Variants in ICA1 observed in about 807,000 individuals in gnomAD.
The protein encoded by ICA1 is islet cell autoantigen 1, also known as 69 kDa islet cell autoantigen.
A neutral mutation model predicts 71.0 loss-of-function variants in ICA1; 40 were observed. The ratio of observed to expected loss-of-function variants is 0.56; its 90% confidence interval spans 0.44 to 0.73. ICA1 has a LOEUF of 0.73. Among genes scored for constraint, ICA1 ranks in the 30% least tolerant of loss-of-function variants. The pLI is 0.00. For missense variants in ICA1, 578 were observed against 576.5 expected, an observed-to-expected ratio of 1.00 and a Z score of -0.03; for synonymous variants, 207 against 209.5, an observed-to-expected ratio of 0.99 and a Z score of 0.10.
chr7:8,217,684 T>C (rs1795826597), intron 6 of ICA1, among the ~76,000 whole-genome samples: 1 of 152,240 alleles, frequency 6.6e-6, no homozygotes, highest in Non-Finnish European at 1.5e-5. Flanking sequence ...GATGTATTCT[T>C]GTATGACAAA....
At chr7:8,131,630 TAA>T (rs1791479143) in intron 12 of ICA1, among the ~76,000 whole-genome samples, 1 of 152,174 alleles carries the variant, frequency 6.6e-6, no homozygotes, top group African/African-American at 2.4e-5. Flanking sequence ...ACTTGAACCA[TAA>T]AACACAAAAA....
At chr7:8,165,513 G>C (rs759325580) in intron 6 of ICA1, among the ~76,000 whole-genome samples, 1 of 152,138 alleles carries the variant, frequency 6.6e-6, no homozygotes, top group African/African-American at 2.4e-5. Context: ...AATATTGGAA[G>C]TCCTAGCTTT....
intron 1 of ICA1, among the ~76,000 whole-genome samples, chr7:8,255,534 T>G (rs1356561067): frequency 6.6e-6 from 1 of 152,200 alleles, no homozygotes; most frequent in East Asian, 1.9e-4. Flanking sequence ...TTCCATGGCT[T>G]CAACTGCCAG....
At position 8,234,573 on chromosome 7, in the gene ICA1, C is replaced by A. The variant is rs1487709706; in HGVS notation, c.17+1337G>T. On this transcript the variant is annotated intron_variant, in intron 2 of 13. Transcript: ENST00000402384. The surrounding 1 kb of genome is among the most constrained non-coding windows in gnomAD (Gnocchi z 4.5). ...TTCATTTACAATTTCATTAAGTTTA[C>A]AATTTTCAATTTACACATTTATTCT... Among the ~76,000 whole-genome samples, 1 of 152,200 alleles carries A rather than the reference C, an allele frequency of 6.6e-6. No homozygotes were observed. Among genetic ancestry groups the A allele is most frequent in the Admixed American group, 6.5e-5 (1 of 15,282 alleles).
chr7:8,126,825 G>A (rs1789383537), intron 13 of ICA1, among the ~76,000 whole-genome samples: 1 of 152,210 alleles, frequency 6.6e-6, no homozygotes, highest in Admixed American at 6.5e-5. Flanking sequence ...TTTCCTTTCA[G>A]AAGCCTGTGT....
At chr7:8,135,522 C>T (rs544028039) in intron 12 of ICA1, among the ~76,000 whole-genome samples, 2 of 152,250 alleles carry the variant, frequency 1.3e-5, no homozygotes, top group African/African-American at 2.4e-5. Context: ...CTTGCCACTT[C>T]GTATGCGAGG....
At chr7:8,167,266 A>G (rs1806356878) in intron 6 of ICA1, among the ~76,000 whole-genome samples, 1 of 152,244 alleles carries the variant, frequency 6.6e-6, no homozygotes, top group Non-Finnish European at 1.5e-5. Context: ...AATGCGGTAC[A>G]TATGCACCAT....
rs10267871 is a variant in ICA1 at position 8,157,401 on chromosome 7, C to T, written c.706-187G>A. ...GCCAAACTAAATGCCTCCCTGTTTCCCCAAATGCTGCCTCCCAGAACTCAT... is the reference window on the plus strand; with the variant it reads ...GCCAAACTAAATGCCTCCCTGTTTCTCCAAATGCTGCCTCCCAGAACTCAT... On this transcript the variant is annotated intron_variant, in intron 7 of 13. Coordinates refer to ENST00000402384, the MANE Select transcript of ICA1 (RefSeq NM_001136020.3). The T allele has an allele frequency of 4.9e-3, 2,954 of 597,914 alleles. 57 individuals are homozygous for T. Among genetic ancestry groups the T allele is most frequent in the African/African-American group, 0.049 (2,572 of 52,954 alleles). The allele number at this position is 597,914 out of a possible 1,614,324, so 37.0% of individuals were successfully genotyped here.
chr7:8,122,850 G>A (rs1328877524), intron 13 of ICA1, among the ~76,000 whole-genome samples: 2 of 152,232 alleles, frequency 1.3e-5, no homozygotes, highest in Non-Finnish European at 2.9e-5. Context: ...CCTAACTTCG[G>A]TTTGCAGAGT....
chr7:8,195,682 G>A (rs1247149646), intron 6 of ICA1, among the ~76,000 whole-genome samples: 1 of 151,880 alleles, frequency 6.6e-6, no homozygotes, highest in Non-Finnish European at 1.5e-5. Context: ...GTGTCCACCT[G>A]GAGTTAAAAA....
chr7:8,131,024 AT>A (rs1197973554), intron 12 of ICA1, among the ~76,000 whole-genome samples: 6 of 152,260 alleles, frequency 3.9e-5, no homozygotes, highest in African/African-American at 1.4e-4. Flanking sequence ...AGAGTCCTCC[AT>A]CCCCCAGGCA....
At chr7:8,231,791 C>T (rs546222749) in intron 3 of ICA1, among the ~76,000 whole-genome samples, 44 of 152,334 alleles carry the variant, frequency 2.9e-4, no homozygotes, top group Middle Eastern at 3.4e-3. Flanking sequence ...TGACAACTAA[C>T]ATTTCCCCTT....
At chr7:8,235,765 T>C in intron 2 of ICA1, 145 bp downstream of exon 2, 1 of 722,268 alleles carries the variant, frequency 1.4e-6, no homozygotes. Flanking sequence ...TTAACAGAGA[T>C]ACTGAATTTG....
chr7:8,180,821 C>T (rs1252458740), intron 6 of ICA1, among the ~76,000 whole-genome samples: 6 of 150,736 alleles, frequency 4.0e-5, no homozygotes, highest in South Asian at 2.1e-4. Flanking sequence ...CACGAGGTGG[C>T]GGCCAGTCTC....
rs566720987 is a variant in ICA1, at chr7:8,211,199, T to G, written c.579+7106A>C. ...GCTGATTTACTTAGCATATGTGTTTTGCTGGATGTTAATTTTTTTTTTCCC... is the reference window on the plus strand; with the variant it reads ...GCTGATTTACTTAGCATATGTGTTTGGCTGGATGTTAATTTTTTTTTTCCC... On this transcript the variant is annotated intron_variant, in intron 6 of 13. Coordinates refer to ENST00000402384, the MANE Select transcript of ICA1 (RefSeq NM_001136020.3). Among the ~76,000 whole-genome samples, 64 of 152,364 alleles carry G rather than the reference T, an allele frequency of 4.2e-4. 1 individual carries two copies. The highest frequency in any genetic ancestry group is 3.4e-3 in the Middle Eastern group (1 of 294).
chr7:8,152,643 TCCACCA>T (rs777722192), intron 8 of ICA1, among the ~76,000 whole-genome samples: 3 of 94,358 alleles, frequency 3.2e-5, no homozygotes, highest in African/African-American at 1.1e-4. Context: ...CACCATCTCC[TCCACCA>T]CCACCACCAC....
chr7:8,227,386 G>A (rs916414740), intron 4 of ICA1, among the ~76,000 whole-genome samples: 13 of 152,146 alleles, frequency 8.5e-5, no homozygotes, highest in South Asian at 2.1e-4. Flanking sequence ...GAATCTGCGA[G>A]CTATTTAGGA....
At chr7:8,137,699 ACTG>A (rs1793886297) in intron 12 of ICA1, among the ~76,000 whole-genome samples, 1 of 152,252 alleles carries the variant, frequency 6.6e-6, no homozygotes, top group Non-Finnish European at 1.5e-5. Flanking sequence ...TTCACACAGT[ACTG>A]CATAGTATGC....
intron 8 of ICA1, among the ~76,000 whole-genome samples, chr7:8,156,325 G>A (rs1801492148): frequency 6.6e-6 from 1 of 152,344 alleles, no homozygotes; most frequent in Middle Eastern, 3.4e-3. Flanking sequence ...GAACGATAAA[G>A]AGCAAGGCAA....
Sources: gnomAD v4.1 joint callset for allele counts (sites outside exome capture counted in the v4.1 genomes callset) on GRCh38, gnomAD v4.1.1 for gene constraint, Gnocchi (gnomAD v3.1) non-coding constraint, MANE v1.5 for transcripts, NCBI Gene and HGNC (gene_info 2026-07-23, HGNC 2026-07-21) for gene names.